PIGU: variants seen among roughly 807,000 people sequenced by gnomAD.
PIGU encodes the protein phosphatidylinositol glycan anchor biosynthesis class U.
A neutral mutation model predicts 49.9 loss-of-function variants in PIGU; 24 were observed. That is an observed-to-expected ratio of 0.48 (90% CI 0.35 to 0.68). The LOEUF is 0.68. PIGU is among the 30% of genes least tolerant of loss of function. PIGU has a pLI of 0.01. For missense variants in PIGU, 490 were observed against 532.6 expected, an observed-to-expected ratio of 0.92 and a Z score of 0.79; for synonymous variants, 220 against 205.7, an observed-to-expected ratio of 1.07 and a Z score of -0.59.
chr20:34,583,962 C>T (rs1983591610), intron 9 of PIGU, among the ~76,000 whole-genome samples: 1 of 152,220 alleles, frequency 6.6e-6, no homozygotes, highest in Non-Finnish European at 1.5e-5. Flanking sequence ...CCCAGACCAT[C>T]TAGGCGTATC....
At chr20:34,568,754 G>A (rs148705651) in intron 11 of PIGU, among the ~76,000 whole-genome samples, 53 of 152,278 alleles carry the variant, frequency 3.5e-4, no homozygotes, top group African/African-American at 1.2e-3. Context: ...GTCAGACCTC[G>A]GGCTTCAGGC....
chr20:34,659,396 G>A (rs1325016272), intron 1 of PIGU, among the ~76,000 whole-genome samples: 20 of 148,466 alleles, frequency 1.3e-4, no homozygotes. Flanking sequence ...GAGCCCCTCT[G>A]CCCGGCCAGC....
intron 1 of PIGU, among the ~76,000 whole-genome samples, chr20:34,675,321 T>TAAGA (rs1987466694): frequency 6.7e-6 from 1 of 148,190 alleles, no homozygotes; most frequent in Non-Finnish European, 1.5e-5. Context: ...AATTATGAGA[T>TAAGA]AAGAAATGCT....
intron 7 of PIGU, among the ~76,000 whole-genome samples, chr20:34,591,969 C>T (rs1201005365): frequency 2.6e-5 from 4 of 152,050 alleles, no homozygotes; most frequent in South Asian, 2.1e-4. Flanking sequence ...GGGTGGATCG[C>T]GAGGTCAGGG....
chr20:34,638,407 T>C (rs186178422), intron 4 of PIGU, among the ~76,000 whole-genome samples: 2 of 152,340 alleles, frequency 1.3e-5, no homozygotes, highest in East Asian at 3.9e-4. Flanking sequence ...CTAATGTCTG[T>C]CTCCCTCATT....
At chr20:34,660,699 G>T (rs1986904119) in intron 1 of PIGU, among the ~76,000 whole-genome samples, 1 of 152,154 alleles carries the variant, frequency 6.6e-6, no homozygotes, top group Non-Finnish European at 1.5e-5. Context: ...TTAAGCCTAT[G>T]TACAACTACT....
intron 7 of PIGU, among the ~76,000 whole-genome samples, chr20:34,601,341 A>C (rs772987592): frequency 4.9e-4 from 75 of 152,324 alleles, no homozygotes; most frequent in Non-Finnish European, 9.4e-4. Context: ...AATTTGAAGT[A>C]TGTACTGCAT....
intron 7 of PIGU, among the ~76,000 whole-genome samples, chr20:34,593,717 C>G (rs554668861): frequency 6.6e-6 from 1 of 152,258 alleles, no homozygotes; most frequent in East Asian, 1.9e-4. Flanking sequence ...AGAATAAACT[C>G]CAAATAGCTT....
chr20:34,598,274 C>G (rs1427105357), intron 7 of PIGU, among the ~76,000 whole-genome samples: 1 of 152,072 alleles, frequency 6.6e-6, no homozygotes, highest in Non-Finnish European at 1.5e-5. Context: ...GGTATGGGAC[C>G]TGAGGTGGGA....
At chr20:34,670,186 T>C (rs1008127633) in intron 1 of PIGU, among the ~76,000 whole-genome samples, 6 of 120,264 alleles carry the variant, frequency 5.0e-5, no homozygotes, top group African/African-American at 1.6e-4. Context: ...AATTTTGTAA[T>C]AACGGCTTTT....
intron 1 of PIGU, among the ~76,000 whole-genome samples, chr20:34,671,646 C>A (rs976491937): frequency 2.6e-5 from 4 of 151,998 alleles, no homozygotes; most frequent in African/African-American, 7.2e-5. Context: ...CTTGGCCGGG[C>A]GCAGTGGCTC....
chr20:34,675,827 T>A (rs952627677), intron 1 of PIGU, among the ~76,000 whole-genome samples: 1 of 151,990 alleles, frequency 6.6e-6, no homozygotes, highest in Non-Finnish European at 1.5e-5. Context: ...CTGGGCAACA[T>A]AGAAAGACCC....
At chr20:34,673,880 T>A (rs964949386) in intron 1 of PIGU, among the ~76,000 whole-genome samples, 3 of 151,816 alleles carry the variant, frequency 2.0e-5, no homozygotes, top group Non-Finnish European at 4.4e-5. Flanking sequence ...TGGTGAAACC[T>A]CGTGTCTACT....
intron 4 of PIGU, among the ~76,000 whole-genome samples, chr20:34,643,196 C>G (rs1986225092): frequency 6.6e-6 from 1 of 152,038 alleles, no homozygotes; most frequent in South Asian, 2.1e-4. Flanking sequence ...AGTCAAAGAC[C>G]ACACACCAAT....
intron 11 of PIGU, among the ~76,000 whole-genome samples, chr20:34,561,339 C>CAAAT (rs1982498295): frequency 6.6e-6 from 1 of 152,194 alleles, no homozygotes; most frequent in Non-Finnish European, 1.5e-5. Context: ...TTCCCTCTGT[C>CAAAT]AAATACACTT....
At chr20:34,638,698 G>C (rs6120689) in intron 4 of PIGU, among the ~76,000 whole-genome samples, 2,087 of 152,286 alleles carry the variant, frequency 0.014, 35 homozygotes, top group African/African-American at 0.047. Context: ...GAATGGCCAT[G>C]ATGATCAAGA....
intron 2 of PIGU, among the ~76,000 whole-genome samples, chr20:34,645,805 A>G (rs988488532): frequency 1.8e-4 from 28 of 152,128 alleles, no homozygotes; most frequent in African/African-American, 6.5e-4. Context: ...GCTGAGGCAG[A>G]AGAATGGCGT....
intron 1 of PIGU, among the ~76,000 whole-genome samples, chr20:34,668,205 G>A (rs1987161845): frequency 6.6e-6 from 1 of 152,072 alleles, no homozygotes; most frequent in African/African-American, 2.4e-5. Flanking sequence ...GCTCATGCCT[G>A]TAATCACAGC....
chr20:34,675,868 A>G (rs886222174), intron 1 of PIGU, among the ~76,000 whole-genome samples: 2 of 152,066 alleles, frequency 1.3e-5, no homozygotes, highest in Non-Finnish European at 2.9e-5. Flanking sequence ...AAACAAAAAC[A>G]AAAAAACTTT....
Sources: allele counts gnomAD v4.1 joint callset (sites outside exome capture counted in the v4.1 genomes callset), GRCh38; gene constraint gnomAD v4.1.1; transcripts MANE v1.5; gene names NCBI Gene and HGNC (gene_info 2026-07-23, HGNC 2026-07-21).